METTL15: variants seen among roughly 807,000 people sequenced by gnomAD.
METTL15 encodes methyltransferase 15, mitochondrial 12S rRNA N4-cytidine.
METTL15 carries 34 observed loss-of-function variants against 38.3 expected under a neutral mutation model. The ratio of observed to expected loss-of-function variants is 0.89; its 90% CI spans 0.68 to 1.18. The LOEUF (loss-of-function observed/expected upper bound fraction) is 1.18. METTL15 is among the 50% of genes most tolerant of loss of function. The pLI, the probability that METTL15 is intolerant of heterozygous loss-of-function variation, is 0.00. For missense variants in METTL15, 438 were observed against 498.4 expected, an observed-to-expected ratio of 0.88 and a Z score of 1.15; for synonymous variants, 162 against 170.9, an observed-to-expected ratio of 0.95 and a Z score of 0.41.
At chr11:28,459,670 A>T (rs908858376) in intron 6 of METTL15, among the ~76,000 whole-genome samples, 3 of 152,184 alleles carry the variant, frequency 2.0e-5, no homozygotes, top group African/African-American at 7.2e-5. Flanking sequence ...AGCTGTTGGA[A>T]TCTGGGCTGA....
rs531038361 is a variant in METTL15 at position 28,175,210 on chromosome 11, T to C, written c.271-35852T>C. Among the ~76,000 whole-genome samples, 379 of 152,146 alleles carry C rather than the reference T, an allele frequency of 2.5e-3. 3 individuals carry two copies. The highest frequency in any genetic ancestry group is 4.2e-3 in the Non-Finnish European group (289 of 68,020). On this transcript the variant is annotated intron_variant, in intron 3 of 6. Coordinates refer to ENST00000407364, the MANE Select transcript of METTL15 (RefSeq NM_001113528.2). Reference sequence around the variant, plus strand: ...AGAACATGCGGTGTTTGGTTTTTTGTCCTTGCGATAGTTTGCTGAGAATGA... The same window carrying C: ...AGAACATGCGGTGTTTGGTTTTTTGCCCTTGCGATAGTTTGCTGAGAATGA...
At chr11:28,141,287 G>A (rs530776145) in intron 3 of METTL15, among the ~76,000 whole-genome samples, 27 of 152,258 alleles carry the variant, frequency 1.8e-4, no homozygotes, top group African/African-American at 6.3e-4. Context: ...GGTTGAGTCA[G>A]TTCCTTGATA....
At chr11:28,391,071 A>G (rs1235731564) in intron 5 of METTL15, among the ~76,000 whole-genome samples, 3 of 152,116 alleles carry the variant, frequency 2.0e-5, no homozygotes, top group Non-Finnish European at 4.4e-5. Context: ...ATTTTTGTAC[A>G]TTGATTTTGT....
chr11:28,215,855 G>T (rs879674259), intron 4 of METTL15, among the ~76,000 whole-genome samples: 3 of 152,090 alleles, frequency 2.0e-5, no homozygotes, highest in Non-Finnish European at 2.9e-5. Flanking sequence ...GCAACATAGT[G>T]AGACACCGTT....
At chr11:28,217,300 C>T (rs938103117) in intron 4 of METTL15, among the ~76,000 whole-genome samples, 44 of 152,276 alleles carry the variant, frequency 2.9e-4, no homozygotes, top group African/African-American at 9.6e-4. Context: ...ATTTGCATTT[C>T]TCTGATGGCC....
intron 5 of METTL15, among the ~76,000 whole-genome samples, chr11:28,393,210 A>T (rs1207026591): frequency 6.6e-6 from 1 of 152,284 alleles, no homozygotes; most frequent in South Asian, 2.1e-4. Flanking sequence ...TATTTTAAAG[A>T]GGTATTTACA....
At chr11:28,121,178 A>G (rs1444667352) in intron 3 of METTL15, among the ~76,000 whole-genome samples, 1 of 152,152 alleles carries the variant, frequency 6.6e-6, no homozygotes, top group East Asian at 1.9e-4. Context: ...ATTACATTGT[A>G]TTATAATTAT....
chr11:28,304,312 C>A (rs929212730), intron 6 of METTL15, among the ~76,000 whole-genome samples: 1 of 152,158 alleles, frequency 6.6e-6, no homozygotes, highest in Non-Finnish European at 1.5e-5. Context: ...TAAGGTATAT[C>A]TTTCCACAGT....
At chr11:28,298,973 C>T (rs1350294700) in intron 6 of METTL15, among the ~76,000 whole-genome samples, 1 of 152,062 alleles carries the variant, frequency 6.6e-6, no homozygotes, top group Non-Finnish European at 1.5e-5. Context: ...TCTGTGTTTA[C>T]AAAGTTTATA....
chr11:28,272,530 G>A (rs189970116), intron 4 of METTL15, among the ~76,000 whole-genome samples: 58 of 152,196 alleles, frequency 3.8e-4, no homozygotes, highest in African/African-American at 1.2e-3. Flanking sequence ...AGAACACATG[G>A]ACACAGGGCA....
At chr11:28,471,122 G>A (rs1446507741) in intron 6 of METTL15, among the ~76,000 whole-genome samples, 1 of 152,090 alleles carries the variant, frequency 6.6e-6, no homozygotes, top group Non-Finnish European at 1.5e-5. Context: ...GGACATCCTA[G>A]TTGGGTCTTT....
chr11:28,422,657 A>G (rs550723385), intron 5 of METTL15, among the ~76,000 whole-genome samples: 1 of 152,202 alleles, frequency 6.6e-6, no homozygotes, highest in Non-Finnish European at 1.5e-5. Context: ...AGAAGAATCA[A>G]ATTAAACCTC....
At chr11:28,492,763 T>C (rs1042117998) in intron 6 of METTL15, among the ~76,000 whole-genome samples, 6 of 152,146 alleles carry the variant, frequency 3.9e-5, no homozygotes, top group Admixed American at 3.3e-4. Flanking sequence ...TAGTATCTTA[T>C]GTAAGTACAG....
At chr11:28,114,117 A>G (rs1851841049) in intron 3 of METTL15, among the ~76,000 whole-genome samples, 1 of 152,174 alleles carries the variant, frequency 6.6e-6, no homozygotes, top group Non-Finnish European at 1.5e-5. Flanking sequence ...CCCCATTCCC[A>G]TTAGTATTCA....
intron 5 of METTL15, among the ~76,000 whole-genome samples, chr11:28,393,886 C>A (rs1178462063): frequency 6.6e-6 from 1 of 152,006 alleles, no homozygotes; most frequent in East Asian, 1.9e-4. Flanking sequence ...AGGTGTTATG[C>A]CTCTAGGAAG....
At chr11:28,208,664 T>G (rs1852479063) in intron 3 of METTL15, among the ~76,000 whole-genome samples, 1 of 152,184 alleles carries the variant, frequency 6.6e-6, no homozygotes, top group African/African-American at 2.4e-5. Flanking sequence ...CTGAGTATCC[T>G]TGTTAACTTT....
At chr11:28,177,289 A>T (rs2090889780) in intron 3 of METTL15, among the ~76,000 whole-genome samples, 2 of 152,082 alleles carry the variant, frequency 1.3e-5, no homozygotes, top group African/African-American at 4.8e-5. Flanking sequence ...ATCAGTGAAT[A>T]AGGCTTCCAA....
chr11:28,263,658 A>G (rs981389723), intron 4 of METTL15, among the ~76,000 whole-genome samples: 3 of 152,074 alleles, frequency 2.0e-5, no homozygotes, highest in Admixed American at 2.0e-4. Context: ...TAGATGTGCA[A>G]CATTTTTCAT....
At chr11:28,130,234 C>G (rs534544211) in intron 3 of METTL15, among the ~76,000 whole-genome samples, 19 of 152,148 alleles carry the variant, frequency 1.2e-4, no homozygotes, top group African/African-American at 3.9e-4. Flanking sequence ...TCACACGAGC[C>G]CTGGAGGTCA....
Sources: allele counts gnomAD v4.1 joint callset (sites outside exome capture counted in the v4.1 genomes callset), GRCh38; gene constraint gnomAD v4.1.1; transcripts MANE v1.5; gene names NCBI Gene and HGNC (gene_info 2026-07-23, HGNC 2026-07-21).